The following MAP3K13 variants were observed in gnomAD, a reference collection of about 807,000 sequenced individuals.
MAP3K13 encodes the protein leucine zipper-bearing kinase.
MAP3K13 carries 52 observed loss-of-function variants against 104.0 expected under a neutral mutation model. The observed-to-expected ratio is 0.50, with a 90% CI of 0.40 to 0.63. The LOEUF (loss-of-function observed/expected upper bound fraction) is 0.63. MAP3K13 is among the 20% of genes least tolerant of loss of function. The pLI is 0.00. For missense variants in MAP3K13, 914 were observed against 1,218.5 expected, an observed-to-expected ratio of 0.75 and a Z score of 3.72; for synonymous variants, 394 against 442.2, an observed-to-expected ratio of 0.89 and a Z score of 1.37.
chr3:185,418,514 G>A lies in MAP3K13; in HGVS notation c.-85-9983G>A. 1 of 1,612,046 alleles carries A rather than the reference G, an allele frequency of 6.2e-7. No homozygotes were observed. The highest frequency in any genetic ancestry group is 8.5e-7 in the Non-Finnish European group (1 of 1,179,858). On this transcript the variant is annotated intron_variant, in intron 1 of 13. Transcript: ENST00000265026. This position sits in a 1 kb window ranked among gnomAD's most constrained non-coding sequence, Gnocchi z 4.5. ...CGACACATGTTTCCAAAAGCACCCT[G>A]GCCAGAGCGGTGAGTCCCACCACCT...
chr3:185,361,274 GT>G (rs1471113362), upstream of MAP3K13, among the ~76,000 whole-genome samples: 2 of 151,158 alleles, frequency 1.3e-5, no homozygotes, highest in African/African-American at 4.9e-5. Flanking sequence ...TAGTTAGTCT[GT>G]ATTGTTTTGG....
chr3:185,291,567 A>C, intron 2 of MAP3K13: 1 of 1,481,244 alleles, frequency 6.8e-7, no homozygotes, highest in Admixed American at 2.6e-5. Flanking sequence ...TAAAAAAATT[A>C]TTAGACTTGT....
At chr3:185,433,173 A>G (rs1714844212) in intron 2 of MAP3K13, among the ~76,000 whole-genome samples, 1 of 152,242 alleles carries the variant, frequency 6.6e-6, no homozygotes, top group Non-Finnish European at 1.5e-5. Flanking sequence ...AATAGTTTCC[A>G]GTCTCAAAGC....
Position 185,423,833 on chromosome 3 carries a change from G to T in MAP3K13, c.-85-4664G>T, listed in dbSNP as rs1714268353. 1.3e-5 allele frequency among the ~76,000 whole-genome samples: 2 copies of T among 152,100 alleles called. No individual in the cohort carries two copies. Among genetic ancestry groups the T allele is most frequent in the South Asian group, 4.1e-4 (2 of 4,824 alleles). On this transcript the variant is annotated intron_variant, in intron 1 of 13. Coordinates refer to ENST00000265026, the MANE Select transcript of MAP3K13 (RefSeq NM_004721.5). The surrounding 1 kb of genome is among the most constrained non-coding windows in gnomAD (Gnocchi z 4.1). ...CCCACATTAGCCACTGCTGTTTCTG[G>T]GTCAGCAGCCCCATCACGCACGCTC... is the stretch of plus-strand genomic sequence containing the variant.
At chr3:185,365,408 T>A (rs1188966560) in intron 1 of MAP3K13, among the ~76,000 whole-genome samples, 2 of 152,166 alleles carry the variant, frequency 1.3e-5, no homozygotes, top group African/African-American at 2.4e-5. Context: ...TGGGGAACTG[T>A]CAAAAGAATG....
chr3:185,398,656 T>G (rs747301645), intron 1 of MAP3K13, among the ~76,000 whole-genome samples: 11 of 152,200 alleles, frequency 7.2e-5, no homozygotes, highest in Non-Finnish European at 1.5e-4. Flanking sequence ...TACAGCCCCA[T>G]ATGGCTTCTG....
At chr3:185,329,106 C>T in intron 2 of MAP3K13, 1 of 607,562 alleles carries the variant, frequency 1.6e-6, no homozygotes. Context: ...AGTTTCAGCA[C>T]TCAGCAGTAG....
At chr3:185,472,060 G>A (rs749037308) in intron 10 of MAP3K13, among the ~76,000 whole-genome samples, 9 of 152,140 alleles carry the variant, frequency 5.9e-5, no homozygotes, top group Non-Finnish European at 1.3e-4. Flanking sequence ...CAAATGAGAT[G>A]TCTATTGAGT....
At chr3:185,334,642 G>C (rs1036696476) in intron 2 of MAP3K13, among the ~76,000 whole-genome samples, 2 of 148,850 alleles carry the variant, frequency 1.3e-5, no homozygotes, top group Admixed American at 1.4e-4. Flanking sequence ...ATGAAGTCTC[G>C]CTCTGTCACC....
intron 8 of MAP3K13, among the ~76,000 whole-genome samples, chr3:185,464,458 A>G (rs1462185415): frequency 1.3e-5 from 2 of 152,120 alleles, no homozygotes; most frequent in Non-Finnish European, 2.9e-5. Context: ...TGTTTTTGTG[A>G]TAATGGGTGA....
chr3:185,332,068 T>TC (rs544274663), intron 2 of MAP3K13, among the ~76,000 whole-genome samples: 118 of 152,344 alleles, frequency 7.7e-4, no homozygotes, highest in Admixed American at 1.6e-3. Flanking sequence ...GTCTTCCTAT[T>TC]GTAAACAATG....
rs188122051 is a variant in MAP3K13, at chr3:185,437,680, C to A, written c.659+50C>A. 56 of 1,494,066 alleles carry A rather than the reference C, an allele frequency of 3.7e-5. No homozygotes were observed. The East Asian group carries it at 1.2e-3, about 32-fold the overall frequency. The allele number at this position is 1,494,066 out of a possible 1,614,324, so 92.6% of individuals were successfully genotyped here. On this transcript the variant is annotated intron_variant, in intron 3 of 13. Coordinates refer to ENST00000265026, the MANE Select transcript of MAP3K13 (RefSeq NM_004721.5). The stretch of plus-strand genomic sequence containing the variant: ...AGAAGTAGACCTATTTTCTTTCCCC[C>A]AATATATACACACAAGTTTCTGCTT...
At chr3:185,424,199 C>T (rs893203686) in intron 1 of MAP3K13, among the ~76,000 whole-genome samples, 11 of 152,142 alleles carry the variant, frequency 7.2e-5, no homozygotes, top group African/African-American at 2.2e-4. Context: ...TAGCATCTAC[C>T]TCTTTGTAGG....
intron 5 of MAP3K13, among the ~76,000 whole-genome samples, chr3:185,449,100 A>G (rs765046646): frequency 3.9e-5 from 6 of 152,152 alleles, no homozygotes; most frequent in Non-Finnish European, 8.8e-5. Flanking sequence ...AGCCAGGCGC[A>G]GTGGCTCACA....
In MAP3K13 at chr3:185,313,188, C is replaced by CA. The variant is rs1305246839; in HGVS notation, c.-86+27556dup. Among the ~76,000 whole-genome samples, 927 of 131,180 alleles carry CA rather than the reference C, an allele frequency of 7.1e-3. 9 individuals carry two copies. Among genetic ancestry groups the CA allele is most frequent in the African/African-American group, 0.025 (881 of 34,562 alleles). 86.1% of individuals were successfully genotyped at this position (131,180 alleles called of 152,430 possible). A position where few individuals can be genotyped will look rare whatever the true frequency, so the allele number is the denominator to read the frequency against. On this transcript the variant is annotated intron_variant, in intron 2 of 14. Coordinates refer to the MAP3K13 transcript ENST00000424227. ...TGAGAGACAGAGTGAGACTCCATCT[C>CA]AAAAAAAAAAAGGGGAAAATGTAGA...
chr3:185,303,519 A>G (rs1577406756), intron 2 of MAP3K13, among the ~76,000 whole-genome samples: 1 of 150,178 alleles, frequency 6.7e-6, no homozygotes, highest in African/African-American at 2.4e-5. Flanking sequence ...GGTCTTTTCC[A>G]ATTTTTTTTT....
chr3:185,443,565 C>A lies in MAP3K13; in HGVS notation c.780C>A (p.Ser260=). ...KITPRLLVDW[S]TGIASGMNYL... Reference sequence around the variant, plus strand: ...CACCTCGATTGCTAGTAGACTGGTCCACAGGAATTGCAAGTGGAATGAATT... The same window carrying A: ...CACCTCGATTGCTAGTAGACTGGTCAACAGGAATTGCAAGTGGAATGAATT... Residue 260 remains serine (S), a synonymous_variant, in exon 4 of 14, where the codon TCC becomes TCA. Coordinates refer to ENST00000265026, the MANE Select transcript of MAP3K13 (RefSeq NM_004721.5). The A allele has an allele frequency of 6.2e-7, 1 of 1,614,092 alleles. No individual in the cohort carries two copies. Among genetic ancestry groups the A allele is most frequent in the Non-Finnish European group, 8.5e-7 (1 of 1,179,980 alleles).
rs778392578 is a variant in MAP3K13 at position 185,473,528 on chromosome 3, C to T, written c.2197C>T (p.Leu733Phe). ...CCQADAYDPC[L>F]QCRPEQYGSL... ...CCAGGCTGACGCTTATGACCCCTGCCTTCAGTGCAGGCCAGAACAGTATGG... is the reference window on the plus strand; with the variant it reads ...CCAGGCTGACGCTTATGACCCCTGCTTTCAGTGCAGGCCAGAACAGTATGG... The change falls in exon 11 of 14, where the codon CTT becomes TTT. Residue 733 changes from leucine to phenylalanine, a missense_variant. Coordinates refer to ENST00000265026, the MANE Select transcript of MAP3K13 (RefSeq NM_004721.5). This position sits in a 1 kb window ranked among gnomAD's most constrained non-coding sequence, Gnocchi z 4.9. The T allele has an allele frequency of 1.2e-6, 2 of 1,614,126 alleles. No homozygotes were observed. The highest frequency in any genetic ancestry group is 2.7e-5 in the African/African-American group (2 of 74,948).
intron 1 of MAP3K13, among the ~76,000 whole-genome samples, chr3:185,397,456 A>G (rs1408077052): frequency 6.6e-6 from 1 of 152,244 alleles, no homozygotes; most frequent in African/African-American, 2.4e-5. Flanking sequence ...AAAATTGTTG[A>G]ATTCATAAAT....
Sources: gnomAD v4.1 joint callset for allele counts (sites outside exome capture counted in the v4.1 genomes callset) on GRCh38, gnomAD v4.1.1 for gene constraint, Gnocchi (gnomAD v3.1) non-coding constraint, MANE v1.5 for transcripts, NCBI Gene and HGNC (gene_info 2026-07-23, HGNC 2026-07-21) for gene names.